The following ASXL2 variants were observed in gnomAD, a reference collection of about 807,000 sequenced individuals.
The protein encoded by ASXL2 is putative Polycomb group protein ASXL2.
Under a neutral mutation model 122.0 loss-of-function variants are expected in ASXL2, and 23 were observed. The observed-to-expected ratio is 0.19, with a 90% CI of 0.14 to 0.27. ASXL2 has a LOEUF of 0.27. Ranked by LOEUF, ASXL2 falls within the 10% of genes least tolerant of loss-of-function variation. ASXL2 has a pLI of 1.00. For synonymous variants in ASXL2, 650 were observed against 637.0 expected, an observed-to-expected ratio of 1.02 and a Z score of -0.31; for missense variants, 1,518 against 1,713.8, an observed-to-expected ratio of 0.89 and a Z score of 2.02.
intron 3 of ASXL2, among the ~76,000 whole-genome samples, chr2:25,832,572 A>C (rs2089466329): frequency 6.9e-6 from 1 of 144,452 alleles, no homozygotes; most frequent in Non-Finnish European, 1.5e-5. Context: ...AGCATGGGCC[A>C]AAAAAAAAAA....
intron 1 of ASXL2, among the ~76,000 whole-genome samples, chr2:25,866,140 T>C (rs1472297632): frequency 1.3e-5 from 2 of 151,594 alleles, no homozygotes; most frequent in African/African-American, 4.8e-5. Flanking sequence ...TTTTCTTTTT[T>C]TTTTTTTTTG....
At chr2:25,812,515 G>T (rs1457894963) in intron 3 of ASXL2, among the ~76,000 whole-genome samples, 1 of 152,088 alleles carries the variant, frequency 6.6e-6, no homozygotes, top group Admixed American at 6.6e-5. Context: ...TGCTGACAAG[G>T]TTATGGGCAA....
rs2087915887 is a variant in ASXL2 at position 25,744,949 on chromosome 2, AC to A, written c.1861-474del. Reference sequence around the variant, plus strand: ...TCTTCTCTGTTCCACACACACACACACACACACACACACACACACACACACA... The same window carrying A: ...TCTTCTCTGTTCCACACACACACACAACACACACACACACACACACACACA... On this transcript the variant is annotated intron_variant, in intron 12 of 12. Transcript: ENST00000435504. This position sits in a 1 kb window ranked among gnomAD's most constrained non-coding sequence, Gnocchi z 4.7. Among the ~76,000 whole-genome samples the A allele has an allele frequency of 2.1e-5, 3 of 142,480 alleles. No homozygotes were observed. In the South Asian group the frequency reaches 6.4e-4, roughly 30 times the overall value. 93.5% of individuals were successfully genotyped at this position (142,480 alleles called of 152,430 possible). A position where few individuals can be genotyped will look rare whatever the true frequency, so the allele number is the denominator to read the frequency against.
chr2:25,849,417 T>G (rs1355592229), intron 1 of ASXL2, among the ~76,000 whole-genome samples: 1 of 139,550 alleles, frequency 7.2e-6, no homozygotes, highest in Non-Finnish European at 1.5e-5. Flanking sequence ...AGCGCCACGG[T>G]ACTCTAGCCT....
intron 10 of ASXL2, among the ~76,000 whole-genome samples, chr2:25,754,397 T>C (rs751422309): frequency 1.3e-5 from 2 of 152,004 alleles, no homozygotes; most frequent in Non-Finnish European, 2.9e-5. Flanking sequence ...GAATAAGAGG[T>C]AGAAATGGCA....
At chr2:25,822,847 T>G in intron 3 of ASXL2, 1 of 554,924 alleles carries the variant, frequency 1.8e-6, no homozygotes, top group South Asian at 1.4e-5. Context: ...TCTGAGATGA[T>G]GAACAACATG....
In ASXL2 at chr2:25,736,745, T is replaced by C. The variant is rs913961557; in HGVS notation, c.*5284A>G. 2.2e-4 allele frequency: 33 copies of C among 152,322 alleles called. No homozygotes were observed. The highest frequency in any genetic ancestry group is 7.9e-4 in the African/African-American group (33 of 41,574). The allele number at this position is 152,322 out of a possible 1,614,324, so 9.4% of individuals were successfully genotyped here. A position where few individuals can be genotyped will look rare whatever the true frequency, so the allele number is the denominator to read the frequency against. On this transcript the variant is annotated 3_prime_UTR_variant, in exon 13 of 13. Coordinates refer to ENST00000435504, the MANE Select transcript of ASXL2 (RefSeq NM_018263.6). ...ACAGCTGGGCAATTATGGGAACTAG[T>C]GAACTACAATAAAAAGTCAGTTTTA...
intron 3 of ASXL2, among the ~76,000 whole-genome samples, chr2:25,832,577 A>T (rs1046429534): frequency 7.9e-5 from 12 of 152,202 alleles, no homozygotes; most frequent in Admixed American, 7.2e-4. Flanking sequence ...GGGCCAAAAA[A>T]AAAAAAATTC....
chr2:25,758,076 G>A (rs1305171675), intron 9 of ASXL2, among the ~76,000 whole-genome samples: 3 of 152,086 alleles, frequency 2.0e-5, no homozygotes, highest in Non-Finnish European at 4.4e-5. Flanking sequence ...TACCAAGAAG[G>A]ACCGGTTTTA....
At chr2:25,756,204 G>T in intron 9 of ASXL2, 90 bp from the exon 10 acceptor site, 1 of 591,354 alleles carries the variant, frequency 1.7e-6, no homozygotes, top group South Asian at 3.9e-5. Context: ...ATAAAAGAAT[G>T]TATATATATT....
chr2:25,767,203 T>C (rs1574405326), intron 8 of ASXL2, among the ~76,000 whole-genome samples: 1 of 152,314 alleles, frequency 6.6e-6, no homozygotes, highest in East Asian at 1.9e-4. Context: ...TCTATCTTTC[T>C]TTACACAGAA....
At chr2:25,868,188 A>G (rs998167344) in intron 1 of ASXL2, among the ~76,000 whole-genome samples, 6 of 152,382 alleles carry the variant, frequency 3.9e-5, no homozygotes, top group Admixed American at 1.3e-4. Flanking sequence ...AAAACATTTA[A>G]AATGTTGTGT....
intron 10 of ASXL2, 79 bp from the exon 11 acceptor site, chr2:25,753,718 T>G: frequency 2.7e-6 from 3 of 1,116,618 alleles, no homozygotes; most frequent in Non-Finnish European, 4.0e-6. Context: ...CATGAAAGAC[T>G]CACGCAGGAA....
chr2:25,781,059 C>CA (rs56394505), intron 5 of ASXL2, among the ~76,000 whole-genome samples: 4,890 of 109,760 alleles, frequency 0.045, 230 homozygotes, highest in African/African-American at 0.14. Context: ...ACTCCATCTC[C>CA]AAAAAAAAAA....
chr2:25,808,090 T>C (rs2089111812), intron 3 of ASXL2, among the ~76,000 whole-genome samples: 2 of 151,172 alleles, frequency 1.3e-5, no homozygotes, highest in African/African-American at 4.9e-5. Context: ...CTTGGGTATA[T>C]GGGGGGGAAA....
chr2:25,763,315 C>G (rs775473384), intron 8 of ASXL2, among the ~76,000 whole-genome samples: 2 of 151,934 alleles, frequency 1.3e-5, no homozygotes, highest in Non-Finnish European at 2.9e-5. Flanking sequence ...CATGATGAAA[C>G]CCTGTCTCTA....
chr2:25,823,028 G>A, intron 3 of ASXL2: 1 of 493,556 alleles, frequency 2.0e-6, no homozygotes, highest in Non-Finnish European at 4.0e-6. Context: ...GAATTCCTAA[G>A]TTGACAGCTC....
intron 1 of ASXL2, among the ~76,000 whole-genome samples, chr2:25,850,178 G>T (rs2089699131): frequency 7.2e-6 from 1 of 139,390 alleles, no homozygotes; most frequent in African/African-American, 2.7e-5. Context: ...TGAAAACAAG[G>T]ACTTAAATTT....
At chr2:25,818,004 G>T (rs957044156) in intron 3 of ASXL2, among the ~76,000 whole-genome samples, 3 of 152,144 alleles carry the variant, frequency 2.0e-5, no homozygotes, top group African/African-American at 7.2e-5. Flanking sequence ...ATGATTTTTA[G>T]GGGAAAAATT....
Sources: allele counts gnomAD v4.1 joint callset (sites outside exome capture counted in the v4.1 genomes callset), GRCh38; gene constraint gnomAD v4.1.1; non-coding constraint Gnocchi (gnomAD v3.1); transcripts MANE v1.5; gene names NCBI Gene and HGNC (gene_info 2026-07-23, HGNC 2026-07-21).